Variants in RERE observed in about 807,000 individuals in gnomAD.
RERE encodes the protein arginine-glutamic acid dipeptide repeats.
Under a neutral mutation model 146.1 loss-of-function variants are expected in RERE, and 40 were observed. That is an observed-to-expected ratio of 0.27 (90% CI 0.21 to 0.36). The LOEUF (loss-of-function observed/expected upper bound fraction) is 0.36. Ranked by LOEUF, RERE falls within the 10% of genes least tolerant of loss-of-function variation. RERE has a pLI of 1.00. For missense variants in RERE, 1,933 were observed against 2,138.7 expected, an observed-to-expected ratio of 0.90 and a Z score of 1.90; for synonymous variants, 1,003 against 866.0, an observed-to-expected ratio of 1.16 and a Z score of -2.78.
chr1:8,371,602 G>A (rs1250705020), intron 12 of RERE, among the ~76,000 whole-genome samples: 1 of 152,158 alleles, frequency 6.6e-6, no homozygotes, highest in Non-Finnish European at 1.5e-5. Context: ...GCTGGGCTCA[G>A]GCCACTTTCT....
intron 15 of RERE, chr1:8,363,684 A>C (rs1047463315): frequency 8.9e-6 from 2 of 225,190 alleles, no homozygotes; most frequent in Non-Finnish European, 8.8e-6. Context: ...CAAACATTTA[A>C]AAAAAATCAC....
intron 12 of RERE, among the ~76,000 whole-genome samples, chr1:8,400,077 G>C (rs916119149): frequency 6.6e-6 from 1 of 151,858 alleles, no homozygotes; most frequent in African/African-American, 2.4e-5. Flanking sequence ...GTGGTCCATA[G>C]GAATACTACC....
At position 8,584,764 on chromosome 1, in the gene RERE, T is replaced by G. The variant is rs181305482; in HGVS notation, c.523-27241A>C. On this transcript the variant is annotated intron_variant, in intron 4 of 22. Coordinates refer to ENST00000400908, the MANE Select transcript of RERE (RefSeq NM_001042681.2). The stretch of plus-strand genomic sequence containing the variant: ...AAAAGGGAGAGTGCAAACAAAAATT[T>G]TTTATTTTACTGTTTCCAGAAATCA... 1.7e-3 allele frequency among the ~76,000 whole-genome samples: 259 copies of G among 152,320 alleles called. 1 individual carries two copies. The highest frequency in any genetic ancestry group is 6.0e-3 in the African/African-American group (250 of 41,566).
At chr1:8,537,750 T>A (rs1215534593) in intron 7 of RERE, among the ~76,000 whole-genome samples, 2 of 152,086 alleles carry the variant, frequency 1.3e-5, no homozygotes, top group Non-Finnish European at 2.9e-5. Context: ...GAACAGTCAG[T>A]CAGTTTCCCA....
intron 12 of RERE, among the ~76,000 whole-genome samples, chr1:8,406,272 G>T (rs960259453): frequency 6.6e-6 from 1 of 151,880 alleles, no homozygotes; most frequent in Non-Finnish European, 1.5e-5. Context: ...AGGGTCTCAC[G>T]ATGTTGCCCA....
intron 7 of RERE, among the ~76,000 whole-genome samples, chr1:8,528,016 A>T (rs993670718): frequency 6.6e-6 from 1 of 152,242 alleles, no homozygotes; most frequent in African/African-American, 2.4e-5. Context: ...TTCAGGGACA[A>T]GGACACTACC....
intron 8 of RERE, among the ~76,000 whole-genome samples, chr1:8,504,660 T>C (rs771380422): frequency 4.6e-5 from 7 of 152,132 alleles, no homozygotes; most frequent in Non-Finnish European, 7.3e-5. Context: ...GAGATCAGCC[T>C]GGCCAACATA....
chr1:8,762,591 G>C (rs1236031676), intron 1 of RERE, among the ~76,000 whole-genome samples: 2 of 152,040 alleles, frequency 1.3e-5, no homozygotes, highest in Non-Finnish European at 2.9e-5. Context: ...GCTAGGTCAG[G>C]CACCATCTAA....
chr1:8,746,797 C>T (rs1166416701), intron 1 of RERE, among the ~76,000 whole-genome samples: 1 of 95,386 alleles, frequency 1.0e-5, no homozygotes, highest in Non-Finnish European at 2.0e-5. Context: ...AGTGTGGGAG[C>T]GTGTATGGGG....
intron 1 of RERE, among the ~76,000 whole-genome samples, chr1:8,746,991 G>T (rs1276263008): frequency 6.6e-6 from 1 of 151,162 alleles, no homozygotes; most frequent in African/African-American, 2.4e-5. Context: ...CCAAGCAGAA[G>T]AGGGACAGGA....
chr1:8,612,260 G>A (rs1451814480), intron 4 of RERE, among the ~76,000 whole-genome samples: 2 of 152,130 alleles, frequency 1.3e-5, no homozygotes, highest in African/African-American at 4.8e-5. Context: ...TCTCCCAGCA[G>A]CTCTCTCATT....
chr1:8,802,824 TA>T (rs943702114), intron 1 of RERE, among the ~76,000 whole-genome samples: 19 of 151,144 alleles, frequency 1.3e-4, no homozygotes, highest in African/African-American at 1.9e-4. Context: ...ATCTAAAAGT[TA>T]AAAAAAAACA....
chr1:8,467,927 A>G (rs938071348), intron 10 of RERE, among the ~76,000 whole-genome samples: 4 of 152,214 alleles, frequency 2.6e-5, no homozygotes, highest in Non-Finnish European at 5.9e-5. Flanking sequence ...AACAGGCATG[A>G]GCCACCGCAC....
chr1:8,647,967 C>A (rs1174138752), intron 2 of RERE, among the ~76,000 whole-genome samples: 2 of 152,058 alleles, frequency 1.3e-5, no homozygotes, highest in Non-Finnish European at 2.9e-5. Context: ...TTAAGGCAAA[C>A]TTTTACTGAA....
chr1:8,670,655 T>A (rs997894740), intron 1 of RERE, among the ~76,000 whole-genome samples: 18 of 152,192 alleles, frequency 1.2e-4, no homozygotes, highest in Non-Finnish European at 2.2e-4. Flanking sequence ...GGGGAAAGCA[T>A]TCTGGGCAGA....
chr1:8,704,604 G>C lies in RERE; in HGVS notation c.-144-48163C>G, dbSNP rs563245960. Among the ~76,000 whole-genome samples the C allele has an allele frequency of 2.0e-5, 3 of 152,326 alleles. No homozygotes were observed. In the South Asian group the frequency reaches 6.2e-4, roughly 32 times the overall value. On this transcript the variant is annotated intron_variant, in intron 1 of 22. Coordinates refer to ENST00000400908, the MANE Select transcript of RERE (RefSeq NM_001042681.2). ...TGATTTGCCTATAGTCTCTCAACAA[G>C]ATGGGGGTGGGGCCAGGCTGAATAG...
At chr1:8,569,338 G>A (rs568324546) in intron 4 of RERE, among the ~76,000 whole-genome samples, 37 of 151,832 alleles carry the variant, frequency 2.4e-4, no homozygotes, top group Admixed American at 8.5e-4. Flanking sequence ...TGGTGACGGC[G>A]GTGATGGCAG....
chr1:8,534,428 C>T (rs898879266), intron 7 of RERE, among the ~76,000 whole-genome samples: 1 of 152,268 alleles, frequency 6.6e-6, no homozygotes, highest in African/African-American at 2.4e-5. Context: ...TGAATATACA[C>T]ACATAAATAC....
Position 8,805,019 on chromosome 1 carries a change from T to G in RERE, c.-145+12141A>C, listed in dbSNP as rs1465802321. Among the ~76,000 whole-genome samples the G allele has an allele frequency of 1.7e-4, 24 of 143,954 alleles. No individual in the cohort carries two copies. In the East Asian group the frequency reaches 2.4e-3, roughly 14 times the overall value. The allele number at this position is 143,954 out of a possible 152,430, so 94.4% of individuals were successfully genotyped here. ...TTGTTTTGTTTTTGGTTTTTTTTTT[T>G]TTTTTTTTTGAGACAGAGTCTTGCT... is the stretch of plus-strand genomic sequence containing the variant. On this transcript the variant is annotated intron_variant, in intron 1 of 22. Transcript: ENST00000400908.
Sources: allele counts gnomAD v4.1 joint callset (sites outside exome capture counted in the v4.1 genomes callset), GRCh38; gene constraint gnomAD v4.1.1; transcripts MANE v1.5; gene names NCBI Gene and HGNC (gene_info 2026-07-23, HGNC 2026-07-21).